Variants in SLC35A2 observed in about 807,000 individuals in gnomAD.
SLC35A2 encodes solute carrier family 35 member A2, also known as UDP-galactose translocator.
In SLC35A2, 1 loss-of-function variant was observed where a neutral mutation model predicts 17.3. The observed-to-expected ratio is 0.06, with a 90% CI of 0.02 to 0.27. The LOEUF (loss-of-function observed/expected upper bound fraction) is 0.27. Among genes scored for constraint, SLC35A2 ranks in the 10% least tolerant of loss-of-function variants. The pLI, the probability that SLC35A2 is intolerant of heterozygous loss-of-function variation, is 1.00. For missense variants in SLC35A2, 191 were observed against 339.3 expected (o/e 0.56, Z 3.43); for synonymous variants, 161 against 161.3 (o/e 1.00, Z 0.01).
At chrX:48,909,040 C>T (rs184523596) in intron 2 of SLC35A2, among the ~76,000 whole-genome samples, 30 of 112,350 alleles carry the variant, frequency 2.7e-4, no homozygotes, top group African/African-American at 8.7e-4. Flanking sequence ...AAAATCCAGA[C>T]TACCCAAAGT....
At chrX:48,906,692 T>C (rs1243426292) in intron 2 of SLC35A2, 149 bp from the exon 3 acceptor site, 1 of 503,116 alleles carries the variant, frequency 2.0e-6, no homozygotes, top group African/African-American at 2.4e-5. Flanking sequence ...GATCTTGGTT[T>C]TCCCTAGAGT....
At chrX:48,904,217 CG>C (rs1379835096) in intron 4 of SLC35A2, 1 of 821,988 alleles carries the variant, frequency 1.2e-6, no homozygotes, top group Non-Finnish European at 1.5e-6. Flanking sequence ...ACACAAAAGA[CG>C]GAACTAGTAA....
intron 2 of SLC35A2, 29 bp from the exon 3 acceptor site, chrX:48,906,572 G>A (rs782660522): frequency 6.7e-6 from 8 of 1,199,953 alleles, no homozygotes; most frequent in Non-Finnish European, 9.0e-6. Flanking sequence ...GCCCTTCTTA[G>A]CACTGACAGC....
In SLC35A2 at chrX:48,905,141, G is replaced by A. The variant is rs371036534; in HGVS notation, c.768C>T (p.Thr256=). 3.4e-5 allele frequency: 41 copies of A among 1,208,259 alleles called. No individual in the cohort carries two copies. The highest frequency in any genetic ancestry group is 5.9e-5 in the East Asian group (2 of 33,697). ...GLVGLWWAEG[T]AVATRGFFFG... Reference sequence around the variant, plus strand: ...AAAAGAAACCACGGGTGGCCACGGCGGTACCCTCAGCCCACCAGAGCCCCA... The same window carrying A: ...AAAAGAAACCACGGGTGGCCACGGCAGTACCCTCAGCCCACCAGAGCCCCA... Residue 256 remains threonine, a synonymous_variant, in exon 4 of 5, where the codon ACC becomes ACT. Transcript: ENST00000247138.
At chrX:48,910,773 C>T (rs1569511674) in intron 1 of SLC35A2, among the ~76,000 whole-genome samples, 1 of 110,729 alleles carries the variant, frequency 9.0e-6, no homozygotes, top group Non-Finnish European at 1.9e-5. Context: ...CCACATGCTC[C>T]CAGGGACTGA....
Position 48,911,609 on chromosome X carries a change from T to C in SLC35A2, c.28A>G (p.Thr10Ala), listed in dbSNP as rs1054898966. Residue 10 changes from threonine to alanine, a missense_variant, in exon 1 of 5, where the codon ACC (threonine) becomes GCC (alanine). Coordinates refer to ENST00000247138, the MANE Select transcript of SLC35A2 (RefSeq NM_005660.3). Reference protein sequence around the residue: MAAVGAGGSTAAPGPGAVSA... With the variant: MAAVGAGGSAAAPGPGAVSA... ...ACCGCCCCTGGCCCGGGCGCCGCGG[T>C]GGAACCACCAGCCCCAACCGCTGCC... 2 of 1,163,966 alleles carry C rather than the reference T, an allele frequency of 1.7e-6. No individual in the cohort carries two copies. Among genetic ancestry groups the C allele is most frequent in the Non-Finnish European group, 2.3e-6 (2 of 874,702 alleles).
chrX:48,905,573 C>A, intron 3 of SLC35A2, 91 bp from the exon 4 acceptor site: 1 of 868,099 alleles, frequency 1.2e-6, no homozygotes, highest in South Asian at 2.8e-5. Flanking sequence ...CCCCCAGGCA[C>A]AATGGAGGGA....
chrX:48,904,707 C>T, intron 4 of SLC35A2, 39 bp downstream of exon 4: 1 of 1,210,244 alleles, frequency 8.3e-7, no homozygotes, highest in Non-Finnish European at 1.1e-6. Flanking sequence ...TCCCTTGTGT[C>T]CCCCCATTGC....
chrX:48,911,508 T>G (rs2063533970), intron 1 of SLC35A2, 38 bp downstream of exon 1: 2 of 1,155,412 alleles, frequency 1.7e-6, no homozygotes, highest in South Asian at 3.8e-5. Context: ...GATCCCGACC[T>G]CCGCCTCCCA....
chrX:48,905,685 CA>C (rs1407098167), intron 3 of SLC35A2, among the ~76,000 whole-genome samples: 1 of 112,319 alleles, frequency 8.9e-6, no homozygotes, highest in Non-Finnish European at 1.9e-5. Flanking sequence ...AGCAAGTGCA[CA>C]AAAGGATGGC....
chrX:48,904,738 G>T lies in SLC35A2; in HGVS notation c.1163+8C>A. The T allele has an allele frequency of 8.3e-7, 1 of 1,211,451 alleles. No homozygotes were observed. Among genetic ancestry groups the T allele is most frequent in the Non-Finnish European group, 1.1e-6 (1 of 895,284 alleles). On this transcript the variant is annotated splice_region_variant and intron_variant, in intron 4 of 4. Transcript: ENST00000247138. ...ATTGCTGCCAGCCCTCACTTCACCA[G>T]CACTGACTTTGGCAGAAAGGGCTCC...
At chrX:48,911,487 C>T (rs2063533671) in intron 1 of SLC35A2, 59 bp downstream of exon 1, 3 of 1,147,156 alleles carry the variant, frequency 2.6e-6, no homozygotes, top group Non-Finnish European at 3.5e-6. Flanking sequence ...GGAACATTCC[C>T]GACTCCCAGC....
chrX:48,907,851 G>A (rs957198554), intron 2 of SLC35A2, among the ~76,000 whole-genome samples: 1 of 109,855 alleles, frequency 9.1e-6, no homozygotes, highest in South Asian at 3.9e-4. Flanking sequence ...GTGAAACCCC[G>A]TCTCTACTAA....
At position 48,904,771 on chromosome X, in the gene SLC35A2, G is replaced by C. The variant is rs782166940; in HGVS notation, c.1138C>G (p.Leu380Val). The C allele has an allele frequency of 1.7e-6, 2 of 1,211,369 alleles. No individual in the cohort carries two copies. Among genetic ancestry groups the C allele is most frequent in the Non-Finnish European group, 2.2e-6 (2 of 895,204 alleles). ...TTTGGCAGAAAGGGCTCCGTGATGA[G>C]GTCTCCACGGTGGGAAGACAGCTGC... ...PPQLSSHRGD[L>V]ITEPFLPKLL... Residue 380 changes from leucine (L) to valine (V), a missense_variant, in exon 4 of 5, where the codon CTC becomes GTC. Physicochemically the swap from Leu to Val is conservative, Grantham distance 32. Coordinates refer to ENST00000247138, the MANE Select transcript of SLC35A2 (RefSeq NM_005660.3).
chrX:48,910,423 C>T, intron 1 of SLC35A2: 1 of 495,746 alleles, frequency 2.0e-6, no homozygotes, highest in Non-Finnish European at 3.2e-6. Context: ...TCAATAGACT[C>T]ATATCACTGT....
intron 2 of SLC35A2, among the ~76,000 whole-genome samples, chrX:48,907,581 C>T (rs887965161): frequency 1.8e-5 from 2 of 112,249 alleles, no homozygotes; most frequent in Admixed American, 9.4e-5. Flanking sequence ...TAGCTCCTCA[C>T]TGACCCATGT....
upstream of SLC35A2, chrX:48,911,889 T>C: frequency 1.7e-6 from 2 of 1,167,423 alleles, no homozygotes; most frequent in Non-Finnish European, 1.1e-6. Context: ...GGCCCATTCC[T>C]GTCACTAGAC....
At chrX:48,903,841 C>T (rs2063463548) in intron 4 of SLC35A2, 22 of 812,519 alleles carry the variant, frequency 2.7e-5, no homozygotes, top group Non-Finnish European at 3.1e-5. Flanking sequence ...GCAGGTTCCA[C>T]AGTTCATCAA....
At chrX:48,906,319 C>G (rs1557043086) in intron 3 of SLC35A2, 73 bp downstream of exon 3, 25 of 993,230 alleles carry the variant, frequency 2.5e-5, no homozygotes, top group South Asian at 1.4e-4. Context: ...AACACCCCCC[C>G]ACCACGCTAT....
Sources: allele counts gnomAD v4.1 joint callset (sites outside exome capture counted in the v4.1 genomes callset), GRCh38; gene constraint gnomAD v4.1.1; transcripts MANE v1.5; gene names NCBI Gene and HGNC (gene_info 2026-07-23, HGNC 2026-07-21).